Variants in PSMD11 observed in about 807,000 individuals in gnomAD.
PSMD11 encodes 26S proteasome non-ATPase regulatory subunit 11.
In PSMD11, 5 loss-of-function variants were observed where a neutral mutation model predicts 62.3. That is an observed-to-expected ratio of 0.08 (90% confidence interval 0.04 to 0.17). PSMD11 has a LOEUF of 0.17. Among genes scored for constraint, PSMD11 ranks in the 10% least tolerant of loss-of-function variants. The pLI, the probability that PSMD11 is intolerant of heterozygous loss-of-function variation, is 1.00. For missense variants in PSMD11, 310 were observed against 512.9 expected, an observed-to-expected ratio of 0.60 and a Z score of 3.82; for synonymous variants, 191 against 191.8, an observed-to-expected ratio of 1.00 and a Z score of 0.03.
chr17:32,448,864 A>G (rs575249504), intron 2 of PSMD11, among the ~76,000 whole-genome samples: 1 of 152,326 alleles, frequency 6.6e-6, no homozygotes, highest in Admixed American at 6.5e-5. Flanking sequence ...TTCAGAGCCC[A>G]TATAGCCACA....
intron 5 of PSMD11, among the ~76,000 whole-genome samples, chr17:32,465,085 T>C (rs755566348): frequency 1.6e-4 from 23 of 143,714 alleles, no homozygotes; most frequent in African/African-American, 4.9e-4. Context: ...TCTTCTCTGC[T>C]TTTTTTTTTT....
rs139412785 is a variant in PSMD11 at position 32,450,206 on chromosome 17, C to T, written c.193+3160C>T. 2.0e-5 allele frequency among the ~76,000 whole-genome samples: 3 copies of T among 151,852 alleles called. No individual in the cohort carries two copies. The East Asian group carries it at 5.8e-4, about 29-fold the overall frequency. ...GGGCTCCTGACCTCAAATGATCCAC[C>T]CACCTCAGCCTTTCAAAGTGTTGTG... is the stretch of plus-strand genomic sequence containing the variant. On this transcript the variant is annotated intron_variant, in intron 2 of 13. Coordinates refer to ENST00000261712, the MANE Select transcript of PSMD11 (RefSeq NM_002815.4).
intron 2 of PSMD11, among the ~76,000 whole-genome samples, chr17:32,452,435 A>G (rs982251988): frequency 2.6e-5 from 4 of 152,198 alleles, no homozygotes; most frequent in Admixed American, 2.6e-4. Context: ...TGTCATGAGG[A>G]TCTGTCCTTG....
intron 3 of PSMD11, among the ~76,000 whole-genome samples, chr17:32,459,670 T>G (rs1272543873): frequency 1.3e-5 from 2 of 152,298 alleles, no homozygotes; most frequent in East Asian, 3.9e-4. Flanking sequence ...TATTCTTAGT[T>G]CTTTTTTCTT....
intron 2 of PSMD11, among the ~76,000 whole-genome samples, chr17:32,451,409 C>A (rs371655969): frequency 7.1e-4 from 108 of 152,246 alleles, no homozygotes; most frequent in Middle Eastern, 6.8e-3. Flanking sequence ...GGTCTCTAGG[C>A]TCTAACAGTT....
rs1292668044 is a variant in PSMD11 at position 32,479,618 on chromosome 17, G to GC, written c.1039-232dup. ...AGTTTCCTCCTCGCTTTTAGTCACT[G>GC]CATGTGTTGTACCTGTTTTCTGTAT... On this transcript the variant is annotated intron_variant, in intron 10 of 13. Transcript: ENST00000261712. 4 of 701,040 alleles carry GC rather than the reference G, an allele frequency of 5.7e-6. No individual in the cohort carries two copies. In the Admixed American group the frequency reaches 1.2e-4, roughly 20 times the overall value. The allele number at this position is 701,040 out of a possible 1,614,324, so 43.4% of individuals were successfully genotyped here. A position where few individuals can be genotyped will look rare whatever the true frequency, so the allele number is the denominator to read the frequency against.
chr17:32,462,040 T>C (rs912536986), intron 3 of PSMD11, among the ~76,000 whole-genome samples: 3 of 152,232 alleles, frequency 2.0e-5, no homozygotes, highest in Non-Finnish European at 4.4e-5. Flanking sequence ...TGGAGGCAGG[T>C]GAATTGCAGG....
intron 10 of PSMD11, chr17:32,479,620 A>G: frequency 1.4e-6 from 1 of 700,300 alleles, no homozygotes; most frequent in Non-Finnish European, 2.4e-6. Context: ...TAGTCACTGC[A>G]TGTGTTGTAC....
At chr17:32,450,993 G>A (rs1453068383) in intron 2 of PSMD11, among the ~76,000 whole-genome samples, 1 of 151,602 alleles carries the variant, frequency 6.6e-6, no homozygotes, top group African/African-American at 2.4e-5. Context: ...GTGGTGGTGC[G>A]TGCCTGTGTC....
chr17:32,474,002 G>T, intron 7 of PSMD11, 57 bp downstream of exon 7: 1 of 1,595,606 alleles, frequency 6.3e-7, no homozygotes, highest in South Asian at 1.1e-5. Context: ...AAGTCTGTTT[G>T]CCATGGCAGA....
Position 32,464,513 on chromosome 17 carries a change from T to G in PSMD11, c.391-8T>G. 3.1e-6 allele frequency: 5 copies of G among 1,593,336 alleles called. No individual in the cohort carries two copies. The highest frequency in any genetic ancestry group is 4.3e-6 in the Non-Finnish European group (5 of 1,167,900). ...CCCCCTTCAATCAATGCCTTTTCTC[T>G]TTCCTAGGCAAGACTGGTGTCTTTG... On this transcript the variant is annotated splice_region_variant and splice_polypyrimidine_tract_variant and intron_variant, in intron 4 of 13. Transcript: ENST00000261712.
At chr17:32,446,711 G>C (rs549082568) in intron 1 of PSMD11, among the ~76,000 whole-genome samples, 21 of 151,838 alleles carry the variant, frequency 1.4e-4, no homozygotes, top group African/African-American at 4.8e-4. Flanking sequence ...GAATGAAAAG[G>C]CACATTTAAA....
chr17:32,455,327 A>C (rs1275755125), intron 3 of PSMD11, among the ~76,000 whole-genome samples: 1 of 152,250 alleles, frequency 6.6e-6, no homozygotes, highest in Non-Finnish European at 1.5e-5. Flanking sequence ...GTACTCATTG[A>C]GTGCCTGCTA....
intron 1 of PSMD11, 80 bp downstream of exon 1, chr17:32,444,694 G>A (rs997666249): frequency 5.8e-6 from 9 of 1,549,068 alleles, no homozygotes; most frequent in African/African-American, 4.1e-5. Flanking sequence ...AGAGGGGCCC[G>A]GCTAGCCGGC....
Position 32,454,502 on chromosome 17 carries a change from A to C in PSMD11, c.201A>C (p.Gly67=), listed in dbSNP as rs774338442. The change falls in exon 3 of 14, where the codon GGA becomes GGC. Residue 67 remains glycine (G), a synonymous_variant. Transcript: ENST00000261712. Reference sequence around the variant, plus strand: ...GAATTGCCTTTCCTACAGAGCTTGGAGGACTCCTGAAGTATGTACGACCCT... The same window carrying C: ...GAATTGCCTTTCCTACAGAGCTTGGCGGACTCCTGAAGTATGTACGACCCT... ...LAKTGQAAEL[G]GLLKYVRPFL... 6.2e-7 allele frequency: 1 copy of C among 1,613,594 alleles called. No individual in the cohort carries two copies. The highest frequency in any genetic ancestry group is 8.5e-7 in the Non-Finnish European group (1 of 1,179,774).
chr17:32,476,613 A>G (rs1908329486), intron 8 of PSMD11: 1 of 152,224 alleles, frequency 6.6e-6, no homozygotes, highest in Non-Finnish European at 1.5e-5. Context: ...AGATAGGCTA[A>G]TCTCCCAGAA....
intron 6 of PSMD11, among the ~76,000 whole-genome samples, chr17:32,472,539 C>G (rs1908194414): frequency 6.7e-6 from 1 of 150,016 alleles, no homozygotes; most frequent in African/African-American, 2.5e-5. Flanking sequence ...TGTGCCTGAC[C>G]TCTTTTTTTT....
In PSMD11 at chr17:32,482,110, G is replaced by C. The variant is rs1470272652; in HGVS notation, c.*1358G>C. 6.6e-6 allele frequency: 1 copy of C among 151,218 alleles called. No individual in the cohort carries two copies. The highest frequency in any genetic ancestry group is 1.5e-5 in the Non-Finnish European group (1 of 67,910). The allele number at this position is 151,218 out of a possible 1,614,324, so 9.4% of individuals were successfully genotyped here. A position where few individuals can be genotyped will look rare whatever the true frequency, so the allele number is the denominator to read the frequency against. On this transcript the variant is annotated 3_prime_UTR_variant, in exon 14 of 14. Transcript: ENST00000261712. ...CCTTTTCTCTTTCTTTACCTTCCTT[G>C]GATTATCCTTCCAGGTTTTCATAAT...
intron 3 of PSMD11, among the ~76,000 whole-genome samples, chr17:32,459,122 A>ATATATG (rs1567853714): frequency 1.4e-5 from 2 of 141,452 alleles, no homozygotes; most frequent in African/African-American, 5.3e-5. Flanking sequence ...ATACATATAT[A>ATATATG]TATATATATA....
Sources: allele counts gnomAD v4.1 joint callset (sites outside exome capture counted in the v4.1 genomes callset), GRCh38; gene constraint gnomAD v4.1.1; transcripts MANE v1.5; gene names NCBI Gene and HGNC (gene_info 2026-07-23, HGNC 2026-07-21).